Variants in PLAGL2 observed in about 807,000 individuals in gnomAD.
The protein encoded by PLAGL2 is zinc finger protein PLAGL2.
PLAGL2 carries 7 observed loss-of-function variants against 29.0 expected under a neutral mutation model. The ratio of observed to expected loss-of-function variants is 0.24; its 90% confidence interval spans 0.14 to 0.45. PLAGL2 has a LOEUF of 0.45. Ranked by LOEUF, PLAGL2 falls within the 20% of genes least tolerant of loss-of-function variation. The pLI, the probability that PLAGL2 is intolerant of heterozygous loss-of-function variation, is 0.99. For synonymous variants in PLAGL2, 234 were observed against 266.0 expected (o/e 0.88, Z 1.17); for missense variants, 454 against 648.2 (o/e 0.70, Z 3.25).
chr20:32,198,462 G>A (rs1476878314), intron 2 of PLAGL2, among the ~76,000 whole-genome samples: 1 of 152,090 alleles, frequency 6.6e-6, no homozygotes, highest in Non-Finnish European at 1.5e-5. Context: ...ACAACATAGC[G>A]AGACCTTGTC....
rs1281301077 is a variant in PLAGL2, at chr20:32,195,377, TAA to T, written c.*1073_*1074del. 6.6e-6 allele frequency: 1 copy of T among 152,628 alleles called. No individual in the cohort carries two copies. The highest frequency in any genetic ancestry group is 2.4e-5 in the African/African-American group (1 of 41,446). 9.5% of individuals were successfully genotyped at this position (152,628 alleles called of 1,614,324 possible). A position where few individuals can be genotyped will look rare whatever the true frequency, so the allele number is the denominator to read the frequency against. Reference sequence around the variant, plus strand: ...CCAACCCAGACTCTGCTTCCAAGACTAATAACAACAGCTCATGATGTTCAAGG... The same window carrying T: ...CCAACCCAGACTCTGCTTCCAAGACTTAACAACAGCTCATGATGTTCAAGG... On this transcript the variant is annotated 3_prime_UTR_variant, in exon 3 of 3. Coordinates refer to ENST00000246229, the MANE Select transcript of PLAGL2 (RefSeq NM_002657.3).
chr20:32,199,903 G>C (rs1322637063), intron 2 of PLAGL2, among the ~76,000 whole-genome samples: 1 of 152,038 alleles, frequency 6.6e-6, no homozygotes, highest in African/African-American at 2.4e-5. Flanking sequence ...TAACTTATAG[G>C]AGCACACAGA....
intron 1 of PLAGL2, among the ~76,000 whole-genome samples, 168 bp from the exon 2 acceptor site, chr20:32,202,460 A>C (rs1463861831): frequency 1.3e-5 from 2 of 152,234 alleles, no homozygotes; most frequent in Non-Finnish European, 2.9e-5. Flanking sequence ...AATGGGCATA[A>C]TAATCTCCTA....
At chr20:32,207,118 A>C (rs2122552731) in intron 1 of PLAGL2, among the ~76,000 whole-genome samples, 1 of 152,312 alleles carries the variant, frequency 6.6e-6, no homozygotes, top group South Asian at 2.1e-4. Context: ...GGTGGGGCTT[A>C]TTCGACTTCT....
At chr20:32,201,334 C>T (rs545768060) in intron 2 of PLAGL2, among the ~76,000 whole-genome samples, 2 of 152,154 alleles carry the variant, frequency 1.3e-5, no homozygotes, top group African/African-American at 4.8e-5. Context: ...CCTGTAATCT[C>T]ACTGCTTTGG....
Position 32,202,049 on chromosome 20 carries a change from T to A in PLAGL2, c.130A>T (p.Ile44Phe). 6.2e-7 allele frequency: 1 copy of A among 1,614,202 alleles called. No individual in the cohort carries two copies. The highest frequency in any genetic ancestry group is 8.5e-7 in the Non-Finnish European group (1 of 1,180,032). Residue 44 changes from isoleucine (I) to phenylalanine (F), a missense_variant, in exon 2 of 3, where the codon ATT becomes TTT. Physicochemically the swap from Ile to Phe is conservative, Grantham distance 21. Around this residue, in one of 4 missense-constraint regions of PLAGL2, gnomAD observed 89 missense variants for 90.4 expected, o/e 0.98. Transcript: ENST00000246229. ...CCATTTGAGAAAGGTGTTCCCGAAATTTCACATTGGCACTTCACTTGACTC... is the reference window on the plus strand; with the variant it reads ...CCATTTGAGAAAGGTGTTCCCGAAAATTCACATTGGCACTTCACTTGACTC... ...AESQVKCQCE[I>F]SGTPFSNGEK...
chr20:32,205,704 GTA>G (rs2047282969), intron 1 of PLAGL2, among the ~76,000 whole-genome samples: 1 of 152,186 alleles, frequency 6.6e-6, no homozygotes, highest in Non-Finnish European at 1.5e-5. Flanking sequence ...CAGGCTTGCT[GTA>G]AGGATTATTT....
Position 32,193,207 on chromosome 20 carries a change from G to A in PLAGL2, c.*3245C>T, listed in dbSNP as rs767423227. 6.6e-6 allele frequency: 1 copy of A among 152,296 alleles called. No homozygotes were observed. Among genetic ancestry groups the A allele is most frequent in the Non-Finnish European group, 1.5e-5 (1 of 68,070 alleles). The allele number at this position is 152,296 out of a possible 1,614,324, so 9.4% of individuals were successfully genotyped here. On this transcript the variant is annotated 3_prime_UTR_variant, in exon 3 of 3. Coordinates refer to ENST00000246229, the MANE Select transcript of PLAGL2 (RefSeq NM_002657.3). ...AAACAGCTCCTAGATAAGAGGGCAG[G>A]TGGAGAGAGGACGGAGAAAACAGCT...
At chr20:32,198,641 T>C (rs2047242347) in intron 2 of PLAGL2, among the ~76,000 whole-genome samples, 1 of 152,096 alleles carries the variant, frequency 6.6e-6, no homozygotes, top group Non-Finnish European at 1.5e-5. Context: ...CGTCTCTAAA[T>C]AAATAAATAA....
At position 32,197,083 on chromosome 20, in the gene PLAGL2, T is replaced by C. The variant is rs753830191; in HGVS notation, c.860A>G (p.Lys287Arg). 14 of 1,614,078 alleles carry C rather than the reference T, an allele frequency of 8.7e-6. No individual in the cohort carries two copies. In the East Asian group the frequency reaches 3.1e-4, roughly 36 times the overall value. ...CMASRDVMGT[K>R]AFPGMLPMGM... is the part of the protein sequence containing the mutation. Reference sequence around the variant, plus strand: ...CATGGGCAACATGCCAGGGAAGGCCTTGGTCCCCATTACGTCCCGAGAGGC... The same window carrying C: ...CATGGGCAACATGCCAGGGAAGGCCCTGGTCCCCATTACGTCCCGAGAGGC... The change falls in exon 3 of 3, where the codon AAG becomes AGG. Residue 287 changes from lysine to arginine, a missense_variant. By Grantham distance (26) the Lys-to-Arg change is conservative. Around this residue, in one of 4 missense-constraint regions of PLAGL2, gnomAD observed 247 missense variants for 350.3 expected, o/e 0.71. Transcript: ENST00000246229. The surrounding 1 kb of genome is among the most constrained non-coding windows in gnomAD (Gnocchi z 6.6).
intron 1 of PLAGL2, among the ~76,000 whole-genome samples, chr20:32,204,868 C>T (rs1174283448): frequency 1.3e-5 from 2 of 152,198 alleles, no homozygotes; most frequent in Non-Finnish European, 2.9e-5. Flanking sequence ...GAGAAGCTGA[C>T]AGAACCTGTT....
rs1422796009 is a variant in PLAGL2, at chr20:32,197,971, AT to A, written c.261-290del. On this transcript the variant is annotated intron_variant, in intron 2 of 2. Transcript: ENST00000246229. The surrounding 1 kb of genome is among the most constrained non-coding windows in gnomAD (Gnocchi z 6.6). ...TGGTTACATAAATTATGATAAGTCC[AT>A]AAAATGACTCAACTTTTCAAAAATG... Among the ~76,000 whole-genome samples the A allele has an allele frequency of 6.6e-6, 1 of 152,258 alleles. No individual in the cohort carries two copies. Among genetic ancestry groups the A allele is most frequent in the Admixed American group, 6.5e-5 (1 of 15,286 alleles).
Position 32,201,908 on chromosome 20 carries a change from GTGT to G in PLAGL2, c.260+8_260+10del. 2 of 1,607,510 alleles carry G rather than the reference GTGT, an allele frequency of 1.2e-6. No individual in the cohort carries two copies. Among genetic ancestry groups the G allele is most frequent in the Non-Finnish European group, 1.7e-6 (2 of 1,174,866 alleles). On this transcript the variant is annotated splice_region_variant and intron_variant, in intron 2 of 2. Coordinates refer to ENST00000246229, the MANE Select transcript of PLAGL2 (RefSeq NM_002657.3). ...CCTCAGGGCAGGAAGAGATATGAGA[GTGT>G]CACCTACCTATACAGCTTGTATTTG...
At chr20:32,201,833 G>C in intron 2 of PLAGL2, 86 bp downstream of exon 2, 1 of 1,177,158 alleles carries the variant, frequency 8.5e-7, no homozygotes, top group East Asian at 2.4e-5. Flanking sequence ...TTCTGCCACA[G>C]ATTAAAAACC....
rs1282127180 is a variant in PLAGL2 at position 32,195,914 on chromosome 20, C to G, written c.*538G>C. 6.5e-6 allele frequency: 1 copy of G among 152,738 alleles called. No individual in the cohort carries two copies. The highest frequency in any genetic ancestry group is 1.5e-5 in the Non-Finnish European group (1 of 68,118). The allele number at this position is 152,738 out of a possible 1,614,324, so 9.5% of individuals were successfully genotyped here. On this transcript the variant is annotated 3_prime_UTR_variant, in exon 3 of 3. Coordinates refer to ENST00000246229, the MANE Select transcript of PLAGL2 (RefSeq NM_002657.3). ...ACAACACTGACTGAAAACGGAGGTG[C>G]TGGTACAGGAGGAATGGGTGGGCGA...
Position 32,197,802 on chromosome 20 carries a change from T to G in PLAGL2, c.261-120A>C, listed in dbSNP as rs2047238447. 5.3e-6 allele frequency: 4 copies of G among 748,072 alleles called. No individual in the cohort carries two copies. In the South Asian group the frequency reaches 7.2e-5, roughly 13 times the overall value. The allele number at this position is 748,072 out of a possible 1,614,324, so 46.3% of individuals were successfully genotyped here. On this transcript the variant is annotated intron_variant, in intron 2 of 2. Transcript: ENST00000246229. This position sits in a 1 kb window ranked among gnomAD's most constrained non-coding sequence, Gnocchi z 6.6. ...AGATATAAAAACCATGGTAAAGGCT[T>G]GCAATGCAATACCAAACCAGTTATA... is the stretch of plus-strand genomic sequence containing the variant.
At position 32,202,257 on chromosome 20, in the gene PLAGL2, G is replaced by T; in HGVS notation, c.-79C>A. 1.4e-6 allele frequency: 2 copies of T among 1,425,430 alleles called. No homozygotes were observed. Among genetic ancestry groups the T allele is most frequent in the East Asian group, 2.3e-5 (1 of 43,796 alleles). 88.3% of individuals were successfully genotyped at this position (1,425,430 alleles called of 1,614,324 possible). A position where few individuals can be genotyped will look rare whatever the true frequency, so the allele number is the denominator to read the frequency against. On this transcript the variant is annotated 5_prime_UTR_variant, in exon 2 of 3. In the 5' UTR this introduces an upstream ATG that the reference lacks. Transcript: ENST00000246229. Reference sequence around the variant, plus strand: ...CACACAGGCTCTCAGCTCTGTCACAGCCTCCAACGCAGCTTTCAGAAAACA... The same window carrying T: ...CACACAGGCTCTCAGCTCTGTCACATCCTCCAACGCAGCTTTCAGAAAACA...
At chr20:32,206,672 G>A (rs142553411) in intron 1 of PLAGL2, among the ~76,000 whole-genome samples, 70 of 152,312 alleles carry the variant, frequency 4.6e-4, no homozygotes, top group African/African-American at 1.6e-3. Context: ...GCAGGTGAAA[G>A]CACCGATTCC....
At position 32,196,350 on chromosome 20, in the gene PLAGL2, C is replaced by A; in HGVS notation, c.*102G>T. 1 of 911,544 alleles carries A rather than the reference C, an allele frequency of 1.1e-6. No homozygotes were observed. Among genetic ancestry groups the A allele is most frequent in the Non-Finnish European group, 1.5e-6 (1 of 649,200 alleles). The allele number at this position is 911,544 out of a possible 1,614,324, so 56.5% of individuals were successfully genotyped here. A position where few individuals can be genotyped will look rare whatever the true frequency, so the allele number is the denominator to read the frequency against. On this transcript the variant is annotated 3_prime_UTR_variant, in exon 3 of 3. Coordinates refer to ENST00000246229, the MANE Select transcript of PLAGL2 (RefSeq NM_002657.3). Reference sequence around the variant, plus strand: ...AGACACTGGAATTTTTTTTTTTGAACCCAGCTCTGAAAGCTCAGCTGCCTT... The same window carrying A: ...AGACACTGGAATTTTTTTTTTTGAAACCAGCTCTGAAAGCTCAGCTGCCTT...
Sources: gnomAD v4.1 joint callset for allele counts (sites outside exome capture counted in the v4.1 genomes callset) on GRCh38, gnomAD v4.1.1 for gene constraint, gnomAD v4.1.1 regional missense constraint, Gnocchi (gnomAD v3.1) non-coding constraint, MANE v1.5 for transcripts, NCBI Gene and HGNC (gene_info 2026-07-23, HGNC 2026-07-21) for gene names.